The following RFX1 variants were observed in gnomAD, a reference collection of about 807,000 sequenced individuals.
RFX1 encodes the protein regulatory factor X1, also known as MHC class II regulatory factor RFX1.
A neutral mutation model predicts 119.6 loss-of-function variants in RFX1; 42 were observed. That is an observed-to-expected ratio of 0.35 (90% CI 0.27 to 0.45). RFX1 has a LOEUF of 0.45. Ranked by LOEUF, RFX1 falls within the 20% of genes least tolerant of loss-of-function variation. RFX1 has a pLI of 1.00. For synonymous variants in RFX1, 628 were observed against 618.5 expected, an observed-to-expected ratio of 1.02 and a Z score of -0.23; for missense variants, 1,118 against 1,368.1, an observed-to-expected ratio of 0.82 and a Z score of 2.88.
chr19:14,002,028 C>T (rs1016346804), intron 1 of RFX1, among the ~76,000 whole-genome samples: 3 of 152,004 alleles, frequency 2.0e-5, no homozygotes, highest in Non-Finnish European at 4.4e-5. Context: ...CCCAGCTACT[C>T]GGGAGGCTGA....
chr19:14,005,957 G>T (rs1183677626), intron 1 of RFX1, 146 bp downstream of exon 1: 1 of 149,472 alleles, frequency 6.7e-6, no homozygotes, highest in Admixed American at 6.6e-5. Context: ...CCGGGCCCCG[G>T]CCCCCTCCCC....
At chr19:14,000,371 A>C (rs1975175789) in intron 1 of RFX1, among the ~76,000 whole-genome samples, 1 of 152,156 alleles carries the variant, frequency 6.6e-6, no homozygotes, top group East Asian at 1.9e-4. Context: ...CTGTAATCCC[A>C]GCTACTCAGG....
rs758910136 is a variant in RFX1, at chr19:13,966,772, G to A, written c.1733-21C>T. 3.3e-5 allele frequency: 51 copies of A among 1,529,164 alleles called. No homozygotes were observed. Among genetic ancestry groups the A allele is most frequent in the Middle Eastern group, 1.7e-4 (1 of 5,734 alleles). 94.7% of individuals were successfully genotyped at this position (1,529,164 alleles called of 1,614,324 possible). ...GGCATCTAGGGGGCCGGGGGGAACCGTGAGGCCCTTCATCCCCCTTGCCTG... is the reference window on the plus strand; with the variant it reads ...GGCATCTAGGGGGCCGGGGGGAACCATGAGGCCCTTCATCCCCCTTGCCTG... On this transcript the variant is annotated intron_variant, in intron 12 of 20. Transcript: ENST00000254325. This position sits in a 1 kb window ranked among gnomAD's most constrained non-coding sequence, Gnocchi z 6.3.
intron 8 of RFX1, 134 bp from the exon 9 acceptor site, chr19:13,973,261 C>T: frequency 1.5e-6 from 1 of 681,166 alleles, no homozygotes; most frequent in South Asian, 1.7e-5. Flanking sequence ...GGAGCAGATC[C>T]TAGCATTCAT....
intron 8 of RFX1, among the ~76,000 whole-genome samples, chr19:13,977,441 G>C (rs1974283864): frequency 6.6e-6 from 1 of 151,496 alleles, no homozygotes; most frequent in Non-Finnish European, 1.5e-5. Flanking sequence ...TTTTGAGATG[G>C]AGTGTCACTC....
At chr19:13,987,814 C>T (rs530522346) in intron 2 of RFX1, among the ~76,000 whole-genome samples, 12 of 152,272 alleles carry the variant, frequency 7.9e-5, no homozygotes, top group African/African-American at 1.7e-4. Context: ...ACTAAGCTAC[C>T]GCCTGACCAA....
rs375678253 is a variant in RFX1, at chr19:13,978,137, G to A, written c.835-51C>T. ...GGGTCAGGGGTGGGCCAGCTCCTAC[G>A]GTTCTCCCTCTAAAGGGCTGGTGCC... On this transcript the variant is annotated intron_variant, in intron 7 of 20. Coordinates refer to ENST00000254325, the MANE Select transcript of RFX1 (RefSeq NM_002918.5). 237 of 1,399,744 alleles carry A rather than the reference G, an allele frequency of 1.7e-4. 1 individual carries two copies. Among genetic ancestry groups the A allele is most frequent in the Non-Finnish European group, 2.1e-4 (213 of 997,710 alleles). 86.7% of individuals were successfully genotyped at this position (1,399,744 alleles called of 1,614,324 possible).
intron 8 of RFX1, among the ~76,000 whole-genome samples, chr19:13,974,183 C>G (rs2145566781): frequency 6.6e-6 from 1 of 152,124 alleles, no homozygotes; most frequent in South Asian, 2.1e-4. Flanking sequence ...AGAAGGTGAT[C>G]AGGCAGTGAG....
In RFX1 at chr19:13,961,761, C is replaced by T. The variant is rs903751370; in HGVS notation, c.*934G>A. 3.3e-5 allele frequency: 5 copies of T among 152,222 alleles called. No individual in the cohort carries two copies. The highest frequency in any genetic ancestry group is 1.3e-4 in the Admixed American group (2 of 15,262). The allele number at this position is 152,222 out of a possible 1,614,324, so 9.4% of individuals were successfully genotyped here. A position where few individuals can be genotyped will look rare whatever the true frequency, so the allele number is the denominator to read the frequency against. On this transcript the variant is annotated 3_prime_UTR_variant, in exon 21 of 21. Transcript: ENST00000254325. Reference sequence around the variant, plus strand: ...TCCATTTTTTTTTCCTTTTTCTTGCCATAAACATCTATCTCACAGGCTGAA... The same window carrying T: ...TCCATTTTTTTTTCCTTTTTCTTGCTATAAACATCTATCTCACAGGCTGAA...
intron 9 of RFX1, 63 bp from the exon 10 acceptor site, chr19:13,970,238 G>A: frequency 1.4e-6 from 2 of 1,442,770 alleles, no homozygotes; most frequent in Non-Finnish European, 1.9e-6. Flanking sequence ...CTGAGTGCTG[G>A]GGCTGAGTGC....
At position 13,985,778 on chromosome 19, in the gene RFX1, G is replaced by A. The variant is rs994118449; in HGVS notation, c.320-2183C>T. 6.6e-6 allele frequency among the ~76,000 whole-genome samples: 1 copy of A among 152,202 alleles called. No individual in the cohort carries two copies. The highest frequency in any genetic ancestry group is 2.4e-5 in the African/African-American group (1 of 41,444). ...AGACTGGGTCTCGGCTGTCCAGGCAGGGCACAGGAGGGAGAGGGGCCTGGA... is the reference window on the plus strand; with the variant it reads ...AGACTGGGTCTCGGCTGTCCAGGCAAGGCACAGGAGGGAGAGGGGCCTGGA... On this transcript the variant is annotated intron_variant, in intron 2 of 20. Coordinates refer to ENST00000254325, the MANE Select transcript of RFX1 (RefSeq NM_002918.5). The surrounding 1 kb of genome is among the most constrained non-coding windows in gnomAD (Gnocchi z 4.3).
chr19:13,980,782 C>T lies in RFX1; in HGVS notation c.622-93G>A. ...CACACACCCTTCTCAGGAGAGCTGT[C>T]TGGGGAGGGCGGCAGTCTGTGGGGA... On this transcript the variant is annotated intron_variant, in intron 5 of 20. Coordinates refer to ENST00000254325, the MANE Select transcript of RFX1 (RefSeq NM_002918.5). This position sits in a 1 kb window ranked among gnomAD's most constrained non-coding sequence, Gnocchi z 5.1. The T allele has an allele frequency of 2.5e-6, 1 of 393,218 alleles. No individual in the cohort carries two copies. The highest frequency in any genetic ancestry group is 4.1e-6 in the Non-Finnish European group (1 of 243,592). The allele number at this position is 393,218 out of a possible 1,614,324, so 24.4% of individuals were successfully genotyped here. A position where few individuals can be genotyped will look rare whatever the true frequency, so the allele number is the denominator to read the frequency against.
Position 13,969,788 on chromosome 19 carries a change from A to T in RFX1, c.1496+206T>A. The T allele has an allele frequency of 2.0e-6, 1 of 491,324 alleles. No homozygotes were observed. Among genetic ancestry groups the T allele is most frequent in the Middle Eastern group, 5.3e-4 (1 of 1,900 alleles). 30.4% of individuals were successfully genotyped at this position (491,324 alleles called of 1,614,324 possible). ...AGTTGAGGCAGTCAGGGGACGTGCA[A>T]GTAAGGAGGGGTGAGAAGCACATGA... On this transcript the variant is annotated intron_variant, in intron 10 of 20. Coordinates refer to ENST00000254325, the MANE Select transcript of RFX1 (RefSeq NM_002918.5). This position sits in a 1 kb window ranked among gnomAD's most constrained non-coding sequence, Gnocchi z 4.5.
intron 2 of RFX1, among the ~76,000 whole-genome samples, chr19:13,987,655 G>T (rs551186900): frequency 1.3e-5 from 2 of 152,150 alleles, no homozygotes; most frequent in Non-Finnish European, 2.9e-5. Context: ...GGTGGGGGAG[G>T]GGACAGCTGG....
intron 16 of RFX1, among the ~76,000 whole-genome samples, chr19:13,964,473 C>A (rs568546664): frequency 6.6e-6 from 1 of 151,202 alleles, no homozygotes; most frequent in African/African-American, 2.4e-5. Flanking sequence ...TTGATAAACA[C>A]GTTTCATTTT....
Position 13,968,520 on chromosome 19 carries a change from G to T in RFX1, c.1732+45C>A. On this transcript the variant is annotated intron_variant, in intron 12 of 20. Transcript: ENST00000254325. This position sits in a 1 kb window ranked among gnomAD's most constrained non-coding sequence, Gnocchi z 5.5. ...CAGCTTTGGGAACCGTCTGCACGGGGCAGGGAGGCGGTGGTTGGGGAAGCA... is the reference window on the plus strand; with the variant it reads ...CAGCTTTGGGAACCGTCTGCACGGGTCAGGGAGGCGGTGGTTGGGGAAGCA... 2.0e-6 allele frequency: 3 copies of T among 1,480,762 alleles called. No individual in the cohort carries two copies. The highest frequency in any genetic ancestry group is 2.8e-6 in the Non-Finnish European group (3 of 1,059,626). The allele number at this position is 1,480,762 out of a possible 1,614,324, so 91.7% of individuals were successfully genotyped here. A position where few individuals can be genotyped will look rare whatever the true frequency, so the allele number is the denominator to read the frequency against.
intron 16 of RFX1, 42 bp from the exon 17 acceptor site, chr19:13,964,049 C>T: frequency 6.6e-7 from 1 of 1,514,064 alleles, no homozygotes; most frequent in Non-Finnish European, 8.8e-7. Context: ...CCAAGGAACC[C>T]CAGCCCGCCA....
intron 2 of RFX1, 93 bp downstream of exon 2, chr19:13,993,432 G>A (rs1197252722): frequency 7.9e-7 from 1 of 1,273,324 alleles, no homozygotes; most frequent in South Asian, 1.4e-5. Context: ...GAAACCTTGG[G>A]GGGCATGGCA....
intron 1 of RFX1, among the ~76,000 whole-genome samples, chr19:14,005,610 G>A (rs1055201331): frequency 6.6e-6 from 1 of 152,190 alleles, no homozygotes; most frequent in African/African-American, 2.4e-5. Context: ...CTGAGTCCTG[G>A]GACAACTGCA....
Sources: allele counts gnomAD v4.1 joint callset (sites outside exome capture counted in the v4.1 genomes callset), GRCh38; gene constraint gnomAD v4.1.1; non-coding constraint Gnocchi (gnomAD v3.1); transcripts MANE v1.5; gene names NCBI Gene and HGNC (gene_info 2026-07-23, HGNC 2026-07-21).